The following SMARCA4 variants were observed in gnomAD, a reference collection of about 807,000 sequenced individuals.
SMARCA4 encodes SWI/SNF-related matrix-associated actin-dependent regulator of chromatin subfamily A member 4.
A neutral mutation model predicts 193.9 loss-of-function variants in SMARCA4; 31 were observed. The observed-to-expected ratio is 0.16, with a 90% CI of 0.12 to 0.22. SMARCA4 has a LOEUF of 0.22. Among genes scored for constraint, SMARCA4 ranks in the 10% least tolerant of loss-of-function variants. SMARCA4 has a pLI of 1.00. For missense variants in SMARCA4, 1,148 were observed against 2,296.0 expected (o/e 0.50, Z 10.22); for synonymous variants, 942 against 933.1 (o/e 1.01, Z -0.17).
intron 29 of SMARCA4, 143 bp downstream of exon 29, chr19:11,035,275 GA>G (rs2075201944): frequency 3.7e-6 from 3 of 807,590 alleles, no homozygotes; most frequent in Non-Finnish European, 6.3e-6. Flanking sequence ...AGGCAGCCGA[GA>G]GCCTTCCGAT....
At chr19:10,996,411 G>A (rs754208754) in intron 10 of SMARCA4, 31 bp downstream of exon 10, 9 of 1,613,808 alleles carry the variant, frequency 5.6e-6, no homozygotes, top group Middle Eastern at 1.6e-4. Context: ...TGCCCGCCGC[G>A]GGTGGGATGG....
chr19:10,980,008 G>A (rs1474955093), intron 1 of SMARCA4, among the ~76,000 whole-genome samples: 1 of 152,102 alleles, frequency 6.6e-6, no homozygotes, highest in African/African-American at 2.4e-5. Flanking sequence ...ACGTGGAGTC[G>A]CTCCACGGCT....
intron 30 of SMARCA4, among the ~76,000 whole-genome samples, chr19:11,044,476 G>C (rs1334721209): frequency 5.3e-5 from 8 of 152,144 alleles, no homozygotes; most frequent in Non-Finnish European, 7.3e-5. Context: ...CAAGAGCCGG[G>C]AACAGACGCC....
chr19:10,970,760 C>G (rs971332843), intron 1 of SMARCA4, among the ~76,000 whole-genome samples: 2 of 152,172 alleles, frequency 1.3e-5, no homozygotes, highest in African/African-American at 4.8e-5. Flanking sequence ...TTGTAGGACA[C>G]CCAGCTGGTG....
intron 13 of SMARCA4, 111 bp from the exon 14 acceptor site, chr19:11,007,791 G>C: frequency 9.9e-7 from 1 of 1,007,180 alleles, no homozygotes; most frequent in South Asian, 1.3e-5. Context: ...TAGGTAGAGG[G>C]GGTGAGGGCT....
Position 11,041,454 on chromosome 19 carries a change from C to G in SMARCA4, c.4318C>G (p.Gln1440Glu), listed in dbSNP as rs2146819152. 6.2e-7 allele frequency: 1 copy of G among 1,612,636 alleles called. No individual in the cohort carries two copies. Among genetic ancestry groups the G allele is most frequent in the Non-Finnish European group, 8.5e-7 (1 of 1,179,948 alleles). Reference sequence around the variant, plus strand: ...CGACAAGGACGACGAGAGCAAGAAGCAGAAGAAGCGCGGGCGGCCGCCTGC... The same window carrying G: ...CGACAAGGACGACGAGAGCAAGAAGGAGAAGAAGCGCGGGCGGCCGCCTGC... ...SRDKDDESKK[Q>E]KKRGRPPAEK... is the part of the protein sequence containing the mutation. The change falls in exon 30 of 35, where the codon CAG becomes GAG. Residue 1440 changes from glutamine to glutamate, a missense_variant. Gln to Glu is a conservative substitution (Grantham distance 29). This residue lies in a region of SMARCA4 where 141 missense variants were observed against 193.0 expected (regional missense o/e 0.73). Transcript: ENST00000344626. This position sits in a 1 kb window ranked among gnomAD's most constrained non-coding sequence, Gnocchi z 5.6.
At chr19:11,002,296 AGTGAAACCCC>A (rs2087711382) in intron 11 of SMARCA4, among the ~76,000 whole-genome samples, 1 of 152,012 alleles carries the variant, frequency 6.6e-6, no homozygotes, top group Admixed American at 6.6e-5. Context: ...TGGCTAACAC[AGTGAAACCCC>A]GTCTCCACTA....
rs922994252 is a variant in SMARCA4, at chr19:11,030,600, C to T, written c.3383-130C>T. 8 of 828,994 alleles carry T rather than the reference C, an allele frequency of 9.7e-6. No homozygotes were observed. Among genetic ancestry groups the T allele is most frequent in the Admixed American group, 2.0e-5 (1 of 49,684 alleles). The allele number at this position is 828,994 out of a possible 1,614,324, so 51.4% of individuals were successfully genotyped here. A position where few individuals can be genotyped will look rare whatever the true frequency, so the allele number is the denominator to read the frequency against. ...GGCCCACAGGCCCGTGTGGAGAGTGCGGAGCCAGGGATCTGGGGATGCTGG... is the reference window on the plus strand; with the variant it reads ...GGCCCACAGGCCCGTGTGGAGAGTGTGGAGCCAGGGATCTGGGGATGCTGG... On this transcript the variant is annotated intron_variant, in intron 24 of 34. Transcript: ENST00000344626. The surrounding 1 kb of genome is among the most constrained non-coding windows in gnomAD (Gnocchi z 5.5).
intron 1 of SMARCA4, among the ~76,000 whole-genome samples, chr19:10,977,981 T>C (rs1406116235): frequency 1.3e-5 from 2 of 152,218 alleles, no homozygotes; most frequent in Non-Finnish European, 2.9e-5. Context: ...ACTCTTCCAC[T>C]TCCCTGTCAT....
In SMARCA4 at chr19:11,007,929, G is replaced by T; in HGVS notation, c.2029G>T (p.Ala677Ser). ...GGAGGAGGAAGAGCAGCCGCAGGCAGCACAGCCTCCCACCCTGCCCGTGGA... is the reference window on the plus strand; with the variant it reads ...GGAGGAGGAAGAGCAGCCGCAGGCATCACAGCCTCCCACCCTGCCCGTGGA... ...EEEEEEQPQA[A>S]QPPTLPVEEK... The change falls in exon 14 of 35, where the codon GCA (alanine) becomes TCA (serine). Residue 677 changes from alanine (A) to serine (S), a missense_variant. Around this residue, in one of 17 missense-constraint regions of SMARCA4, gnomAD observed 115 missense variants for 175.1 expected, o/e 0.66. Transcript: ENST00000344626. 1 of 1,613,714 alleles carries T rather than the reference G, an allele frequency of 6.2e-7. No individual in the cohort carries two copies. Among genetic ancestry groups the T allele is most frequent in the Non-Finnish European group, 8.5e-7 (1 of 1,179,774 alleles).
At chr19:11,000,527 G>A (rs141875955) in intron 11 of SMARCA4, among the ~76,000 whole-genome samples, 46 of 151,810 alleles carry the variant, frequency 3.0e-4, no homozygotes, top group African/African-American at 1.1e-3. Context: ...ACTTGAGACA[G>A]GGTCTCTCTC....
chr19:10,991,005 A>G, intron 7 of SMARCA4, 145 bp from the exon 8 acceptor site: 3 of 1,350,538 alleles, frequency 2.2e-6, no homozygotes, highest in Non-Finnish European at 3.0e-6. Context: ...CACCTGCTAG[A>G]CGTCCCCTGC....
chr19:10,986,657 G>C lies in SMARCA4; in HGVS notation c.760+64G>C, dbSNP rs1599954357. On this transcript the variant is annotated intron_variant, in intron 4 of 34. Transcript: ENST00000344626. This position sits in a 1 kb window ranked among gnomAD's most constrained non-coding sequence, Gnocchi z 6.7. Reference sequence around the variant, plus strand: ...GAATGGCTGGGGCGTGGGTGGCGGGGTGGACAGACCGTGCTCTGTTGCCGA... The same window carrying C: ...GAATGGCTGGGGCGTGGGTGGCGGGCTGGACAGACCGTGCTCTGTTGCCGA... 1.6e-5 allele frequency: 25 copies of C among 1,533,536 alleles called. No individual in the cohort carries two copies. In the East Asian group the frequency reaches 5.6e-4, roughly 34 times the overall value. The allele number at this position is 1,533,536 out of a possible 1,614,324, so 95.0% of individuals were successfully genotyped here.
At position 11,062,262 on chromosome 19, in the gene SMARCA4, CCAA is replaced by C. The variant is rs2076933174; in HGVS notation, c.*453_*455del. The C allele has an allele frequency of 3.8e-6, 1 of 264,258 alleles. No homozygotes were observed. Among genetic ancestry groups the C allele is most frequent in the South Asian group, 1.0e-4 (1 of 9,700 alleles). 16.4% of individuals were successfully genotyped at this position (264,258 alleles called of 1,614,324 possible). The stretch of plus-strand genomic sequence containing the variant: ...GGATGTCAAACAGTAATAAATTAAA[CCAA>C]CAACAAAACGCACAGCCTTGCCTGC... On this transcript the variant is annotated 3_prime_UTR_variant, in exon 35 of 35. Transcript: ENST00000344626.
intron 30 of SMARCA4, among the ~76,000 whole-genome samples, chr19:11,053,579 G>T (rs1322270639): frequency 6.6e-6 from 1 of 152,102 alleles, no homozygotes; most frequent in Non-Finnish European, 1.5e-5. Context: ...TGGCAGAACT[G>T]AGCAGTTGCA....
At position 11,019,804 on chromosome 19, in the gene SMARCA4, C is replaced by T. The variant is rs2089698947; in HGVS notation, c.2616+103C>T. 8 of 825,364 alleles carry T rather than the reference C, an allele frequency of 9.7e-6. 1 individual carries two copies. The South Asian group carries it at 1.1e-4, about 12-fold the overall frequency. 51.1% of individuals were successfully genotyped at this position (825,364 alleles called of 1,614,324 possible). ...GCCCCTACAAGTTTCTTCCCGGAGT[C>T]CCACCTGCATGTGCGTGAAGACAGC... On this transcript the variant is annotated intron_variant, in intron 18 of 34. Transcript: ENST00000344626. This position sits in a 1 kb window ranked among gnomAD's most constrained non-coding sequence, Gnocchi z 6.1.
intron 32 of SMARCA4, chr19:11,059,345 A>G (rs537458782): frequency 9.4e-5 from 30 of 319,968 alleles, no homozygotes; most frequent in African/African-American, 2.4e-4. Context: ...CAACTTGGCA[A>G]ACTTTCTTAA....
rs763820669 is a variant in SMARCA4 at position 10,989,398 on chromosome 19, G to A, written c.1200G>A (p.Ala400=). The change falls in exon 7 of 35, where the codon GCG becomes GCA. Residue 400 remains alanine (A), a synonymous_variant. Coordinates refer to ENST00000344626, the MANE Select transcript of SMARCA4 (RefSeq NM_003072.5). ...GSLAGDLRTK[A]TIELKALRLL... ...TGGCCGGGGATTTGCGAACCAAAGCGACCATTGAGCTCAAGGCCCTCAGGC... is the reference window on the plus strand; with the variant it reads ...TGGCCGGGGATTTGCGAACCAAAGCAACCATTGAGCTCAAGGCCCTCAGGC... 6.2e-6 allele frequency: 10 copies of A among 1,614,016 alleles called. No individual in the cohort carries two copies. Among genetic ancestry groups the A allele is most frequent in the African/African-American group, 4.0e-5 (3 of 74,942 alleles).
intron 23 of SMARCA4, 150 bp downstream of exon 23, chr19:11,026,496 TC>T (rs946668367): frequency 2.9e-5 from 16 of 549,898 alleles, no homozygotes; most frequent in South Asian, 8.3e-5. Flanking sequence ...ATAATACAAA[TC>T]TTTTTTTTTT....
Sources: allele counts gnomAD v4.1 joint callset (sites outside exome capture counted in the v4.1 genomes callset), GRCh38; gene constraint gnomAD v4.1.1; regional missense constraint gnomAD v4.1.1; non-coding constraint Gnocchi (gnomAD v3.1); transcripts MANE v1.5; gene names NCBI Gene and HGNC (gene_info 2026-07-23, HGNC 2026-07-21).